Variants in GRIK2 observed in about 807,000 individuals in gnomAD.
The protein encoded by GRIK2 is glutamate receptor ionotropic, kainate 2.
Under a neutral mutation model 100.3 loss-of-function variants are expected in GRIK2, and 32 were observed. That is an observed-to-expected ratio of 0.32 (90% CI 0.24 to 0.43). GRIK2 has a LOEUF of 0.43. GRIK2 is among the 20% of genes least tolerant of loss of function. The pLI, the probability that GRIK2 is intolerant of heterozygous loss-of-function variation, is 1.00. For missense variants in GRIK2, 843 were observed against 1,114.9 expected (o/e 0.76, Z 3.47); for synonymous variants, 417 against 389.4 (o/e 1.07, Z -0.83).
At chr6:101,915,618 C>A (rs1789051538) in intron 12 of GRIK2, among the ~76,000 whole-genome samples, 1 of 151,166 alleles carries the variant, frequency 6.6e-6, no homozygotes, top group South Asian at 2.1e-4. Flanking sequence ...TTCAGGGTGG[C>A]AAGGATATTT....
At chr6:101,515,038 C>T (rs961052864) in intron 2 of GRIK2, among the ~76,000 whole-genome samples, 14 of 152,012 alleles carry the variant, frequency 9.2e-5, no homozygotes, top group Non-Finnish European at 5.9e-5. Context: ...GTCTTTTATC[C>T]TTTGCCTCCC....
chr6:101,561,063 CAT>C (rs1227059648), intron 2 of GRIK2, among the ~76,000 whole-genome samples: 1 of 152,152 alleles, frequency 6.6e-6, no homozygotes, highest in Non-Finnish European at 1.5e-5. Flanking sequence ...AGATAGCAAA[CAT>C]AGACCCCAGC....
intron 7 of GRIK2, among the ~76,000 whole-genome samples, chr6:101,710,203 G>A: frequency 6.6e-6 from 1 of 151,772 alleles, no homozygotes; most frequent in East Asian, 1.9e-4. Flanking sequence ...CATTGTAAAT[G>A]TCATCTCCTG....
At chr6:101,512,189 TAAAAG>T (rs1346936223) in intron 2 of GRIK2, among the ~76,000 whole-genome samples, 2 of 151,878 alleles carry the variant, frequency 1.3e-5, no homozygotes, top group Non-Finnish European at 2.9e-5. Context: ...GGTATAAAAT[TAAAAG>T]AATAAGATAA....
chr6:101,846,510 C>G (rs1299224737), intron 10 of GRIK2, among the ~76,000 whole-genome samples: 1 of 151,990 alleles, frequency 6.6e-6, no homozygotes, highest in Non-Finnish European at 1.5e-5. Context: ...GGTTTAGTAT[C>G]AGGGTAGTGT....
At chr6:101,661,413 G>A (rs1005433404) in intron 4 of GRIK2, among the ~76,000 whole-genome samples, 2 of 152,084 alleles carry the variant, frequency 1.3e-5, no homozygotes, top group African/African-American at 2.4e-5. Context: ...TGCTGGGCTC[G>A]GTGGGGGTGA....
chr6:101,810,974 A>G (rs1279548547), intron 9 of GRIK2, among the ~76,000 whole-genome samples: 1 of 152,092 alleles, frequency 6.6e-6, no homozygotes, highest in African/African-American at 2.4e-5. Flanking sequence ...CAATTGCAGG[A>G]AACATCTTTC....
intron 16 of GRIK2, among the ~76,000 whole-genome samples, chr6:102,068,086 GTAATA>G (rs1016955946): frequency 1.3e-5 from 2 of 151,818 alleles, no homozygotes; most frequent in Non-Finnish European, 2.9e-5. Context: ...TAATATATGT[GTAATA>G]TATACATTAC....
chr6:101,428,250 CTAGT>C (rs1284190694), intron 2 of GRIK2, among the ~76,000 whole-genome samples: 1 of 152,186 alleles, frequency 6.6e-6, no homozygotes, highest in Admixed American at 6.5e-5. Flanking sequence ...ACTCTGTTTG[CTAGT>C]TAGGCACTGA....
chr6:101,694,036 T>C (rs907308628), intron 7 of GRIK2, among the ~76,000 whole-genome samples: 2 of 151,932 alleles, frequency 1.3e-5, no homozygotes, highest in Non-Finnish European at 2.9e-5. Context: ...CCAGAAGAGG[T>C]GATGCCCAAT....
chr6:101,395,822 G>T (rs1774980795), intron 1 of GRIK2, among the ~76,000 whole-genome samples: 1 of 152,084 alleles, frequency 6.6e-6, no homozygotes, highest in Non-Finnish European at 1.5e-5. Context: ...CTCTCTGGGT[G>T]TGCGTGTATG....
chr6:101,895,067 C>T lies in GRIK2; in HGVS notation c.1748+5204C>T, dbSNP rs545817411. ...TATACCAAATTTTGCAATATGAGTA[C>T]TATTACATAAAAATGCATTAGGCTA... On this transcript the variant is annotated intron_variant, in intron 12 of 16. Transcript: ENST00000369134. Among the ~76,000 whole-genome samples the T allele has an allele frequency of 3.6e-4, 54 of 151,658 alleles. 1 individual carries two copies. In the South Asian group the frequency reaches 0.011, roughly 31 times the overall value.
intron 14 of GRIK2, among the ~76,000 whole-genome samples, chr6:101,951,973 G>A (rs575638740): frequency 7.6e-4 from 116 of 152,274 alleles, no homozygotes; most frequent in African/African-American, 2.6e-3. Flanking sequence ...TTATCACAAC[G>A]ATGTTGGCAT....
At chr6:101,712,403 TC>T (rs1299354147) in intron 7 of GRIK2, among the ~76,000 whole-genome samples, 3 of 151,676 alleles carry the variant, frequency 2.0e-5, no homozygotes, top group Non-Finnish European at 4.4e-5. Context: ...ATTATATATT[TC>T]CTCAGTTTTT....
intron 2 of GRIK2, among the ~76,000 whole-genome samples, chr6:101,615,146 T>G (rs985880610): frequency 6.6e-6 from 1 of 151,742 alleles, no homozygotes; most frequent in Non-Finnish European, 1.5e-5. Context: ...CTCTCCTTCT[T>G]TTTTTCTTCT....
chr6:101,468,502 T>C (rs1241370821), intron 2 of GRIK2, among the ~76,000 whole-genome samples: 1 of 152,088 alleles, frequency 6.6e-6, no homozygotes, highest in Admixed American at 6.6e-5. Flanking sequence ...CAATGGAAAT[T>C]CCAGGCAGAT....
At position 102,068,825 on chromosome 6, in the gene GRIK2, T is replaced by G. The variant is rs1438641127; in HGVS notation, c.*314T>G. 1.5e-5 allele frequency: 3 copies of G among 200,344 alleles called. No homozygotes were observed. The highest frequency in any genetic ancestry group is 7.0e-5 in the African/African-American group (3 of 42,698). 12.4% of individuals were successfully genotyped at this position (200,344 alleles called of 1,614,324 possible). A position where few individuals can be genotyped will look rare whatever the true frequency, so the allele number is the denominator to read the frequency against. Reference sequence around the variant, plus strand: ...CCAGTGAGAAATTACAGGTTCCTTTTGAAGCTCAACTGTTGCCAGGAGATG... The same window carrying G: ...CCAGTGAGAAATTACAGGTTCCTTTGGAAGCTCAACTGTTGCCAGGAGATG... On this transcript the variant is annotated 3_prime_UTR_variant, in exon 17 of 17. Transcript: ENST00000369134.
chr6:101,841,132 A>G (rs1472096059), intron 10 of GRIK2, among the ~76,000 whole-genome samples: 1 of 152,184 alleles, frequency 6.6e-6, no homozygotes, highest in East Asian at 1.9e-4. Flanking sequence ...GTACCTTCAA[A>G]GTGAAGCACA....
At chr6:101,444,374 G>A (rs1235492967) in intron 2 of GRIK2, among the ~76,000 whole-genome samples, 1 of 151,832 alleles carries the variant, frequency 6.6e-6, no homozygotes, top group Non-Finnish European at 1.5e-5. Context: ...TTTATATTAA[G>A]TAATATATTC....
Sources: allele counts gnomAD v4.1 joint callset (sites outside exome capture counted in the v4.1 genomes callset), GRCh38; gene constraint gnomAD v4.1.1; transcripts MANE v1.5; gene names NCBI Gene and HGNC (gene_info 2026-07-23, HGNC 2026-07-21).